NOP9: variants seen among roughly 807,000 people sequenced by gnomAD.
NOP9 encodes the protein nucleolar protein 9.
NOP9 carries 50 observed loss-of-function variants against 63.0 expected under a neutral mutation model. That is an observed-to-expected ratio of 0.79 (90% CI 0.63 to 1.00). The LOEUF is 1.00. NOP9 is among the 50% of genes least tolerant of loss of function. The pLI is 0.00. For synonymous variants in NOP9, 343 were observed against 332.8 expected, an observed-to-expected ratio of 1.03 and a Z score of -0.33; for missense variants, 758 against 803.0, an observed-to-expected ratio of 0.94 and a Z score of 0.68.
At chr14:24,301,490 A>AT in intron 2 of NOP9, 122 bp from the exon 3 acceptor site, 4 of 1,184,926 alleles carry the variant, frequency 3.4e-6, no homozygotes, top group Non-Finnish European at 4.8e-6. Context: ...CAGAAGAGAC[A>AT]TTTAGTTGTA....
intron 5 of NOP9, 105 bp downstream of exon 5, chr14:24,302,529 T>C (rs2041396924): frequency 1.8e-6 from 2 of 1,133,912 alleles, no homozygotes; most frequent in South Asian, 1.6e-5. Flanking sequence ...GTGCTGGCCA[T>C]TGCCCTTGAA....
At chr14:24,296,387 G>A, upstream of NOP9, 1 of 929,102 alleles carries the variant, frequency 1.1e-6, no homozygotes, top group Admixed American at 2.0e-5. Context: ...AAATGGAATG[G>A]AAGGGAGAAG....
the NOP9 span, among the ~76,000 whole-genome samples, chr14:24,289,842 CACTG>C: frequency 6.6e-6 from 1 of 152,230 alleles, no homozygotes; most frequent in Non-Finnish European, 1.5e-5. Context: ...CTCCACTTAC[CACTG>C]GAACAGTAAC....
Position 24,307,160 on chromosome 14 carries a change from T to A in NOP9, c.*2065T>A. On this transcript the variant is annotated 3_prime_UTR_variant, in exon 10 of 10. Coordinates refer to ENST00000267425, the MANE Select transcript of NOP9 (RefSeq NM_174913.3). Reference sequence around the variant, plus strand: ...TTCTGTCCCTCGAACTCTCCCTATCTCCTGCTAACCCCTGCTCCCATAGAA... The same window carrying A: ...TTCTGTCCCTCGAACTCTCCCTATCACCTGCTAACCCCTGCTCCCATAGAA... The A allele has an allele frequency of 2.1e-6, 1 of 471,464 alleles. No homozygotes were observed. The highest frequency in any genetic ancestry group is 3.8e-6 in the Non-Finnish European group (1 of 265,634). The allele number at this position is 471,464 out of a possible 1,614,324, so 29.2% of individuals were successfully genotyped here.
chr14:24,295,689 G>A (rs972219169), upstream of NOP9, among the ~76,000 whole-genome samples: 12 of 152,178 alleles, frequency 7.9e-5, no homozygotes, highest in Non-Finnish European at 1.3e-4. Context: ...AGCTCTTAAC[G>A]TGTCCCTTTC....
the NOP9 span, among the ~76,000 whole-genome samples, chr14:24,280,568 G>A: frequency 1.2e-4 from 19 of 152,302 alleles, no homozygotes; most frequent in African/African-American, 4.6e-4. Context: ...CTCAACTAAC[G>A]TTAACATAAT....
At chr14:24,290,531 C>T in the NOP9 span, 1 of 275,738 alleles carries the variant, frequency 3.6e-6, no homozygotes, top group Admixed American at 5.0e-5. Flanking sequence ...CACATTTATA[C>T]ATCTTTGAGT....
At chr14:24,278,058 G>C in the NOP9 span, among the ~76,000 whole-genome samples, 1 of 152,070 alleles carries the variant, frequency 6.6e-6, no homozygotes, top group South Asian at 2.1e-4. Flanking sequence ...CTTGCAACAG[G>C]GACTTCCTCT....
chr14:24,290,803 G>A, the NOP9 span: 468,335 of 1,604,948 alleles, frequency 0.29, 76,649 homozygotes, highest in East Asian at 0.73. Context: ...GAGACAGGAC[G>A]AACCACCAAG....
chr14:24,296,525 T>C, upstream of NOP9: 1 of 1,614,198 alleles, frequency 6.2e-7, no homozygotes, highest in African/African-American at 1.3e-5. Context: ...CCGACGTTGT[T>C]GATATCATCC....
chr14:24,276,053 T>G, the NOP9 span, among the ~76,000 whole-genome samples: 2 of 152,228 alleles, frequency 1.3e-5, no homozygotes, highest in African/African-American at 4.8e-5. Context: ...ATTTTTCATT[T>G]TTTTTCATTT....
the NOP9 span, among the ~76,000 whole-genome samples, chr14:24,283,398 G>A: frequency 4.0e-5 from 6 of 151,828 alleles, no homozygotes; most frequent in Non-Finnish European, 5.9e-5. Flanking sequence ...AGACCAGCTT[G>A]GGCAACATGC....
intron 2 of NOP9, among the ~76,000 whole-genome samples, chr14:24,301,089 GAGA>G (rs2041368369): frequency 6.6e-6 from 1 of 152,130 alleles, no homozygotes; most frequent in East Asian, 1.9e-4. Flanking sequence ...GACGCAGGAG[GAGA>G]ATTTTTTTTA....
intron 8 of NOP9, 28 bp downstream of exon 8, chr14:24,304,305 C>T (rs548766847): frequency 2.1e-5 from 33 of 1,564,808 alleles, no homozygotes; most frequent in East Asian, 4.5e-5. Context: ...TGCCTTGATT[C>T]CCCACCATCA....
At chr14:24,298,050 T>A (rs531124724), upstream of NOP9, among the ~76,000 whole-genome samples, 1 of 152,236 alleles carries the variant, frequency 6.6e-6, no homozygotes, top group South Asian at 2.1e-4. Flanking sequence ...CATTTTTAAT[T>A]AAAATTTTTT....
In NOP9 at chr14:24,299,856, G is replaced by C; in HGVS notation, c.-99G>C. 2.1e-6 allele frequency: 3 copies of C among 1,419,324 alleles called. No homozygotes were observed. Among genetic ancestry groups the C allele is most frequent in the Admixed American group, 5.4e-5 (2 of 36,810 alleles). The allele number at this position is 1,419,324 out of a possible 1,614,324, so 87.9% of individuals were successfully genotyped here. On this transcript the variant is annotated 5_prime_UTR_variant, in exon 1 of 10. Coordinates refer to ENST00000267425, the MANE Select transcript of NOP9 (RefSeq NM_174913.3). ...GTAGCTGCGTCAGGAGCGCGCCCGC[G>C]TTTCTAAACTTTGTCTGGATAAGGC... is the stretch of plus-strand genomic sequence containing the variant.
chr14:24,284,407 T>C, the NOP9 span, among the ~76,000 whole-genome samples: 1 of 151,856 alleles, frequency 6.6e-6, no homozygotes, highest in African/African-American at 2.4e-5. Flanking sequence ...GACCAGGAGA[T>C]GGAGGGTTAA....
upstream of NOP9, among the ~76,000 whole-genome samples, chr14:24,295,813 G>C (rs1167254329): frequency 6.6e-6 from 1 of 152,182 alleles, no homozygotes; most frequent in Non-Finnish European, 1.5e-5. Flanking sequence ...ACCAAAATTG[G>C]AGCGGTGGGT....
chr14:24,299,831 G>A, upstream of NOP9: 5 of 1,257,774 alleles, frequency 4.0e-6, no homozygotes, highest in Non-Finnish European at 5.3e-6. Context: ...CTATGACGTA[G>A]TAGCTGCGTC....
Sources: gnomAD v4.1 joint callset for allele counts (sites outside exome capture counted in the v4.1 genomes callset) on GRCh38, gnomAD v4.1.1 for gene constraint, MANE v1.5 for transcripts, NCBI Gene and HGNC (gene_info 2026-07-23, HGNC 2026-07-21) for gene names.